PTPRS: variants seen among roughly 807,000 people sequenced by gnomAD.
The protein encoded by PTPRS is protein tyrosine phosphatase receptor type S.
A neutral mutation model predicts 215.3 loss-of-function variants in PTPRS; 63 were observed. The observed-to-expected ratio is 0.29, with a 90% CI of 0.24 to 0.36. The LOEUF is 0.36. Ranked by LOEUF, PTPRS falls within the 10% of genes least tolerant of loss-of-function variation. The pLI is 1.00. For synonymous variants in PTPRS, 1,404 were observed against 1,191.4 expected (o/e 1.18, Z -3.68); for missense variants, 2,258 against 2,825.8 (o/e 0.80, Z 4.56).
At chr19:5,290,611 C>T (rs932985916) in intron 1 of PTPRS, among the ~76,000 whole-genome samples, 3 of 152,110 alleles carry the variant, frequency 2.0e-5, no homozygotes, top group Non-Finnish European at 4.4e-5. Flanking sequence ...AGGAGGCTCC[C>T]GGTGCCTCTC....
rs1186656023 is a variant in PTPRS at position 5,293,927 on chromosome 19, AGAG to A, written c.-94-7696_-94-7694del. 4.6e-5 allele frequency among the ~76,000 whole-genome samples: 7 copies of A among 152,040 alleles called. No individual in the cohort carries two copies. Among genetic ancestry groups the A allele is most frequent in the African/African-American group, 7.2e-5 (3 of 41,384 alleles). ...AGGCCCGCGACACCGGAGCAGAGGG[AGAG>A]GAGGAGGGAGAGGGAGGGGCAGACC... On this transcript the variant is annotated intron_variant, in intron 1 of 37. Coordinates refer to ENST00000262963, the MANE Select transcript of PTPRS (RefSeq NM_002850.4). The surrounding 1 kb of genome is among the most constrained non-coding windows in gnomAD (Gnocchi z 8.4).
In PTPRS at chr19:5,222,959, T is replaced by A. The variant is rs895982467; in HGVS notation, c.2833A>T (p.Thr945Ser). ...LEAAGNASAGTVLLRWLPPVP... is the reference protein window; with the variant it reads ...LEAAGNASAGSVLLRWLPPVP... ...GGTGGCAGCCAGCGGAGAAGGACGGTCCCGGCCGAGGCGTTGCCGGCCGCC... is the reference window on the plus strand; with the variant it reads ...GGTGGCAGCCAGCGGAGAAGGACGGACCCGGCCGAGGCGTTGCCGGCCGCC... Residue 945 changes from threonine to serine, a missense_variant, in exon 18 of 38, where the codon ACC (threonine) becomes TCC (serine). By Grantham distance (58) the Thr-to-Ser change is moderately conservative (BLOSUM62 1). Coordinates refer to ENST00000262963, the MANE Select transcript of PTPRS (RefSeq NM_002850.4). 1 of 1,546,578 alleles carries A rather than the reference T, an allele frequency of 6.5e-7. No homozygotes were observed. The highest frequency in any genetic ancestry group is 8.7e-7 in the Non-Finnish European group (1 of 1,152,122).
intron 22 of PTPRS, 38 bp downstream of exon 22, chr19:5,219,901 G>T (rs1311008387): frequency 1.9e-6 from 3 of 1,594,302 alleles, no homozygotes; most frequent in Non-Finnish European, 2.6e-6. Flanking sequence ...TCATTCAGAG[G>T]TGTGTCTGGA....
At chr19:5,235,534 C>T (rs771952958) in intron 13 of PTPRS, among the ~76,000 whole-genome samples, 46 of 152,170 alleles carry the variant, frequency 3.0e-4, no homozygotes, top group Non-Finnish European at 6.0e-4. Flanking sequence ...CTTAGGCCAC[C>T]TCTTTATAGC....
Position 5,208,383 on chromosome 19 carries a change from C to T in PTPRS, c.5496G>A (p.Gln1832=), listed in dbSNP as rs760293998. The change falls in exon 36 of 38, where the codon CAG becomes CAA. Residue 1832 remains glutamine (Q), a synonymous_variant. Transcript: ENST00000262963. ...ACTGGAACTGCCGGACAGTCCGGGA[C>T]TGGCCATCCTAGAGTGCAGAGAGCC... ...EFKVTDARDG[Q]SRTVRQFQFT... 6.3e-7 allele frequency: 1 copy of T among 1,597,394 alleles called. No individual in the cohort carries two copies. Among genetic ancestry groups the T allele is most frequent in the Admixed American group, 1.7e-5 (1 of 57,476 alleles).
chr19:5,262,662 C>T (rs910155397), intron 6 of PTPRS, among the ~76,000 whole-genome samples: 1 of 152,214 alleles, frequency 6.6e-6, no homozygotes, highest in African/African-American at 2.4e-5. Context: ...GCCTCTGAAC[C>T]CCCCTCAGCC....
intron 4 of PTPRS, among the ~76,000 whole-genome samples, chr19:5,267,860 T>C (rs1047585878): frequency 1.5e-4 from 23 of 152,018 alleles, no homozygotes; most frequent in Admixed American, 2.0e-4. Context: ...AACAGCCCTG[T>C]AGCTGTATTT....
At chr19:5,225,942 GC>G (rs2042453298) in intron 16 of PTPRS, 98 bp from the exon 17 acceptor site, 1 of 978,534 alleles carries the variant, frequency 1.0e-6, no homozygotes, top group Non-Finnish European at 1.6e-6. Flanking sequence ...AGGATGCAGG[GC>G]CCGGATCAGG....
intron 5 of PTPRS, 98 bp from the exon 6 acceptor site, chr19:5,263,070 GA>G: frequency 1.9e-6 from 1 of 539,862 alleles, no homozygotes; most frequent in Non-Finnish European, 3.5e-6. Context: ...GAGGGCGGGG[GA>G]GGGGAGGGGG....
intron 9 of PTPRS, among the ~76,000 whole-genome samples, chr19:5,254,320 G>A (rs2045385192): frequency 6.6e-6 from 1 of 152,170 alleles, no homozygotes; most frequent in African/African-American, 2.4e-5. Flanking sequence ...GACAAGAGGG[G>A]GAAAAGGTGA....
intron 16 of PTPRS, among the ~76,000 whole-genome samples, chr19:5,226,302 C>T (rs1438664346): frequency 4.6e-5 from 7 of 152,068 alleles, no homozygotes; most frequent in Non-Finnish European, 8.8e-5. Flanking sequence ...TGCCTCAGGC[C>T]CTTTGGCACT....
At chr19:5,311,422 T>C (rs562668198) in intron 1 of PTPRS, among the ~76,000 whole-genome samples, 63 of 152,258 alleles carry the variant, frequency 4.1e-4, no homozygotes, top group Non-Finnish European at 6.0e-4. Context: ...GCCTGGTATA[T>C]AGGAGGTGCT....
chr19:5,325,289 G>A (rs1169345078), intron 1 of PTPRS, among the ~76,000 whole-genome samples: 1 of 152,234 alleles, frequency 6.6e-6, no homozygotes, highest in East Asian at 1.9e-4. Context: ...GAATCATATG[G>A]CACAGACAGC....
chr19:5,252,929 C>T (rs1188777301), intron 9 of PTPRS, among the ~76,000 whole-genome samples: 2 of 151,370 alleles, frequency 1.3e-5, no homozygotes, highest in Non-Finnish European at 2.9e-5. Context: ...CCTGATGTCT[C>T]CAGCTTTTTC....
At chr19:5,230,101 A>G (rs900107901) in intron 14 of PTPRS, among the ~76,000 whole-genome samples, 2 of 152,198 alleles carry the variant, frequency 1.3e-5, no homozygotes, top group Non-Finnish European at 2.9e-5. Context: ...GATTTGCACC[A>G]GGCAGTCCAG....
At chr19:5,266,284 A>G (rs1177401675) in intron 4 of PTPRS, among the ~76,000 whole-genome samples, 2 of 151,876 alleles carry the variant, frequency 1.3e-5, no homozygotes, top group African/African-American at 4.8e-5. Context: ...AAAAATAAAA[A>G]TAAAATAAAT....
At chr19:5,267,985 T>C (rs372448158) in intron 4 of PTPRS, among the ~76,000 whole-genome samples, 2 of 152,018 alleles carry the variant, frequency 1.3e-5, no homozygotes, top group African/African-American at 4.8e-5. Flanking sequence ...CTGGTGAACA[T>C]GGTGAAACCC....
chr19:5,233,269 A>G (rs900824900), intron 13 of PTPRS, among the ~76,000 whole-genome samples: 6 of 150,532 alleles, frequency 4.0e-5, no homozygotes, highest in Admixed American at 4.0e-4. Flanking sequence ...AGCGCCAAGC[A>G]CTTCACGAAA....
chr19:5,242,385 T>G (rs2044116489), intron 11 of PTPRS, among the ~76,000 whole-genome samples: 1 of 152,116 alleles, frequency 6.6e-6, no homozygotes. Flanking sequence ...CTGTCCAATT[T>G]TATTTTTTTT....
Sources: gnomAD v4.1 joint callset for allele counts (sites outside exome capture counted in the v4.1 genomes callset) on GRCh38, gnomAD v4.1.1 for gene constraint, Gnocchi (gnomAD v3.1) non-coding constraint, MANE v1.5 for transcripts, NCBI Gene and HGNC (gene_info 2026-07-23, HGNC 2026-07-21) for gene names.